Variants in EYA1 observed in about 807,000 individuals in gnomAD.
The protein encoded by EYA1 is protein phosphatase EYA1.
A neutral mutation model predicts 82.0 loss-of-function variants in EYA1; 16 were observed. The ratio of observed to expected loss-of-function variants is 0.20; its 90% CI spans 0.13 to 0.30. The LOEUF is 0.30. Ranked by LOEUF, EYA1 falls within the 10% of genes least tolerant of loss-of-function variation. The pLI is 1.00. For missense variants in EYA1, 633 were observed against 730.7 expected (o/e 0.87, Z 1.54); for synonymous variants, 261 against 264.4 (o/e 0.99, Z 0.12).
chr8:71,481,877 C>G lies in EYA1; in HGVS notation c.33+53867G>C, dbSNP rs562728699. Among the ~76,000 whole-genome samples, 7 of 152,060 alleles carry G rather than the reference C, an allele frequency of 4.6e-5. No homozygotes were observed. The East Asian group carries it at 1.4e-3, about 29-fold the overall frequency. On this transcript the variant is annotated intron_variant, in intron 2 of 18. Transcript: ENST00000643681. ...AGGAGAGGAGGGGCAAGAGGAGAAA[C>G]AAAATATTTTAGTGGTTGATTTATT...
At chr8:71,427,707 G>T (rs897268421) in intron 2 of EYA1, among the ~76,000 whole-genome samples, 1 of 152,152 alleles carries the variant, frequency 6.6e-6, no homozygotes, top group African/African-American at 2.4e-5. Flanking sequence ...GAAGGCTAGT[G>T]CATCTCAAAA....
At chr8:71,213,111 C>T (rs1048448725) in intron 16 of EYA1, among the ~76,000 whole-genome samples, 7 of 151,908 alleles carry the variant, frequency 4.6e-5, no homozygotes, top group African/African-American at 1.7e-4. Flanking sequence ...TGATTCCCCA[C>T]ATATACCTTA....
rs781635264 is a variant in EYA1, at chr8:71,271,871, T to A, written c.853A>T (p.Thr285Ser). 2 of 1,614,196 alleles carry A rather than the reference T, an allele frequency of 1.2e-6. No homozygotes were observed. The highest frequency in any genetic ancestry group is 1.7e-6 in the Non-Finnish European group (2 of 1,180,038). ...AEYSTIHSPS[T>S]PIKDSDSDRL... ...TCAGAATCTGAATCTTTAATGGGTG[T>A]TGATGGGCTGTGGATTGTGCTGTAC... Residue 285 changes from threonine to serine, a missense_variant, in exon 10 of 18, where the codon ACA becomes TCA. Thr to Ser is a moderately conservative substitution (Grantham distance 58, BLOSUM62 1). Transcript: ENST00000340726.
chr8:71,367,265 C>T (rs974246735), intron 2 of EYA1, among the ~76,000 whole-genome samples: 2 of 152,050 alleles, frequency 1.3e-5, no homozygotes, highest in Non-Finnish European at 2.9e-5. Flanking sequence ...TTACATTTTA[C>T]CTTTCTTAAT....
At chr8:71,519,333 T>G (rs890758638) in intron 2 of EYA1, among the ~76,000 whole-genome samples, 11 of 152,230 alleles carry the variant, frequency 7.2e-5, no homozygotes, top group Non-Finnish European at 1.6e-4. Context: ...CTACTTTAAA[T>G]TATAACTTCC....
intron 4 of EYA1, among the ~76,000 whole-genome samples, chr8:71,327,301 A>C (rs1391402266): frequency 1.3e-5 from 2 of 152,228 alleles, no homozygotes; most frequent in South Asian, 4.1e-4. Context: ...TTTTATGAAC[A>C]ATTAAAAAGA....
At chr8:71,445,445 C>A (rs576601846) in intron 2 of EYA1, among the ~76,000 whole-genome samples, 2 of 152,240 alleles carry the variant, frequency 1.3e-5, no homozygotes, top group East Asian at 1.9e-4. Flanking sequence ...GTAGACTTAC[C>A]TTTAGTGTAT....
chr8:71,418,129 C>A (rs1830951768), intron 2 of EYA1, among the ~76,000 whole-genome samples: 1 of 152,188 alleles, frequency 6.6e-6, no homozygotes, highest in African/African-American at 2.4e-5. Context: ...TCCTGAGTCA[C>A]CATCCTAAGG....
intron 2 of EYA1, among the ~76,000 whole-genome samples, chr8:71,470,592 T>C (rs574724660): frequency 6.6e-6 from 1 of 152,002 alleles, no homozygotes; most frequent in Non-Finnish European, 1.5e-5. Flanking sequence ...TCTGTAGGGG[T>C]CCTTCCATAA....
At chr8:71,545,608 C>T in intron 1 of EYA1, among the ~76,000 whole-genome samples, 1 of 129,624 alleles carries the variant, frequency 7.7e-6, no homozygotes, top group East Asian at 2.3e-4. Flanking sequence ...GTCGCCCAGG[C>T]TGGAGTGCAG....
intron 2 of EYA1, among the ~76,000 whole-genome samples, chr8:71,443,308 G>C (rs374322998): frequency 1.3e-5 from 2 of 152,108 alleles, no homozygotes; most frequent in African/African-American, 2.4e-5. Flanking sequence ...TTTTTGGCGG[G>C]GGGGATAGAG....
At chr8:71,545,652 C>G (rs1231337856) in intron 1 of EYA1, among the ~76,000 whole-genome samples, 4 of 149,940 alleles carry the variant, frequency 2.7e-5, no homozygotes, top group African/African-American at 9.8e-5. Flanking sequence ...AGCTCTGCCT[C>G]CCCGGTTCAC....
chr8:71,279,003 G>C (rs775782327), intron 9 of EYA1, among the ~76,000 whole-genome samples: 34 of 152,168 alleles, frequency 2.2e-4, no homozygotes, highest in Non-Finnish European at 4.3e-4. Context: ...CCGAGAGGAA[G>C]CTCTCACCAC....
At chr8:71,519,382 T>G (rs532257945) in intron 2 of EYA1, among the ~76,000 whole-genome samples, 2 of 152,288 alleles carry the variant, frequency 1.3e-5, no homozygotes, top group African/African-American at 4.8e-5. Flanking sequence ...TATAGCAACT[T>G]TTTAGATGGC....
At chr8:71,394,740 T>C (rs1829486329) in intron 2 of EYA1, among the ~76,000 whole-genome samples, 1 of 152,228 alleles carries the variant, frequency 6.6e-6, no homozygotes, top group South Asian at 2.1e-4. Context: ...CCTCCAGTTT[T>C]GTTCTTTTGC....
intron 3 of EYA1, among the ~76,000 whole-genome samples, chr8:71,338,668 A>G (rs1191736307): frequency 6.6e-6 from 1 of 152,234 alleles, no homozygotes; most frequent in Non-Finnish European, 1.5e-5. Context: ...TATTTCGTCC[A>G]TTTGATTAGT....
chr8:71,425,355 A>G (rs77890447), intron 2 of EYA1, among the ~76,000 whole-genome samples: 6,397 of 152,258 alleles, frequency 0.042, 459 homozygotes, highest in African/African-American at 0.15. Flanking sequence ...TTGAGAAAGC[A>G]AATAGTAAAC....
chr8:71,232,254 G>A (rs888023123), intron 12 of EYA1, among the ~76,000 whole-genome samples: 1 of 152,170 alleles, frequency 6.6e-6, no homozygotes, highest in Non-Finnish European at 1.5e-5. Flanking sequence ...GCTGCCCCCT[G>A]CCTCCTACTT....
chr8:71,396,277 G>A (rs1351909972), intron 2 of EYA1, among the ~76,000 whole-genome samples: 1 of 152,004 alleles, frequency 6.6e-6, no homozygotes, highest in Non-Finnish European at 1.5e-5. Context: ...AGGGATTTTT[G>A]TGTCTCTATT....
Sources: gnomAD v4.1 joint callset for allele counts (sites outside exome capture counted in the v4.1 genomes callset) on GRCh38, gnomAD v4.1.1 for gene constraint, MANE v1.5 for transcripts, NCBI Gene and HGNC (gene_info 2026-07-23, HGNC 2026-07-21) for gene names.